Variants in LRRC1 observed in about 807,000 individuals in gnomAD.
LRRC1 encodes the protein leucine-rich repeat-containing protein 1.
LRRC1 carries 28 observed loss-of-function variants against 69.9 expected under a neutral mutation model. The ratio of observed to expected loss-of-function variants is 0.40; its 90% CI spans 0.30 to 0.55. The LOEUF (loss-of-function observed/expected upper bound fraction) is 0.55. Among genes scored for constraint, LRRC1 ranks in the 20% least tolerant of loss-of-function variants. LRRC1 has a pLI of 0.47. For synonymous variants in LRRC1, 236 were observed against 240.2 expected, an observed-to-expected ratio of 0.98 and a Z score of 0.16; for missense variants, 498 against 609.0, an observed-to-expected ratio of 0.82 and a Z score of 1.92.
At chr6:53,889,875 G>A (rs573146736) in intron 4 of LRRC1, among the ~76,000 whole-genome samples, 5 of 152,262 alleles carry the variant, frequency 3.3e-5, no homozygotes, top group South Asian at 4.2e-4. Context: ...CTGGGAAACC[G>A]ACCCAGTTTA....
chr6:53,842,065 A>G, intron 1 of LRRC1, 45 bp from the exon 2 acceptor site: 1 of 1,243,256 alleles, frequency 8.0e-7, no homozygotes, highest in Middle Eastern at 1.9e-4. Context: ...AAAGTTTATG[A>G]TACAAACATA....
intron 10 of LRRC1, among the ~76,000 whole-genome samples, chr6:53,906,453 A>G (rs1171565988): frequency 6.6e-6 from 1 of 152,202 alleles, no homozygotes; most frequent in African/African-American, 2.4e-5. Context: ...TGTAATGTTA[A>G]TTCCCAGCAA....
chr6:53,846,777 G>A (rs572276524), intron 2 of LRRC1, among the ~76,000 whole-genome samples: 171 of 152,288 alleles, frequency 1.1e-3, no homozygotes, highest in African/African-American at 3.8e-3. Context: ...GGTGAAATGC[G>A]TATGCTTCAA....
chr6:53,833,304 C>T (rs576663438), intron 1 of LRRC1, among the ~76,000 whole-genome samples: 55 of 152,248 alleles, frequency 3.6e-4, no homozygotes, highest in Middle Eastern at 3.4e-3. Flanking sequence ...AGAAAACATG[C>T]CTGGTTTCTT....
intron 7 of LRRC1, among the ~76,000 whole-genome samples, chr6:53,899,473 G>A (rs1458345421): frequency 6.6e-6 from 1 of 151,972 alleles, no homozygotes. Context: ...TTTTTCTCCT[G>A]TATCTTCACC....
At chr6:53,900,168 G>T (rs562683989) in intron 8 of LRRC1, among the ~76,000 whole-genome samples, 1 of 151,746 alleles carries the variant, frequency 6.6e-6, no homozygotes, top group Non-Finnish European at 1.5e-5. Flanking sequence ...CTCCCGAATA[G>T]CTGGGACCAC....
At chr6:53,912,094 T>A (rs191882834) in intron 10 of LRRC1, among the ~76,000 whole-genome samples, 4 of 152,342 alleles carry the variant, frequency 2.6e-5, no homozygotes, top group Admixed American at 2.6e-4. Flanking sequence ...TAAACATATG[T>A]AAATGAGAAA....
At chr6:53,811,468 G>A (rs1399825215) in intron 1 of LRRC1, among the ~76,000 whole-genome samples, 1 of 152,184 alleles carries the variant, frequency 6.6e-6, no homozygotes, top group Non-Finnish European at 1.5e-5. Flanking sequence ...TCTATTAGTT[G>A]GGGTGTTAAT....
At chr6:53,919,805 CA>C in intron 12 of LRRC1, 135 bp downstream of exon 12, 1 of 667,362 alleles carries the variant, frequency 1.5e-6, no homozygotes, top group Non-Finnish European at 2.4e-6. Context: ...CAGGTGAGGC[CA>C]CTGTGGGACT....
intron 2 of LRRC1, among the ~76,000 whole-genome samples, chr6:53,846,309 T>G (rs1765942621): frequency 1.3e-5 from 2 of 152,224 alleles, no homozygotes; most frequent in African/African-American, 4.8e-5. Context: ...TTATCTAAGC[T>G]GCAAGGATTT....
chr6:53,807,397 T>C (rs946809494), intron 1 of LRRC1, among the ~76,000 whole-genome samples: 4 of 152,178 alleles, frequency 2.6e-5, no homozygotes, highest in African/African-American at 4.8e-5. Context: ...TAGGTAAGGA[T>C]GGAAAACAGA....
chr6:53,821,198 T>C (rs1019611236), intron 1 of LRRC1, among the ~76,000 whole-genome samples: 1 of 152,222 alleles, frequency 6.6e-6, no homozygotes, highest in Admixed American at 6.5e-5. Flanking sequence ...ATTTGAATGC[T>C]TTGTGGGTTC....
At chr6:53,854,793 A>T (rs949539765) in intron 2 of LRRC1, among the ~76,000 whole-genome samples, 3 of 152,186 alleles carry the variant, frequency 2.0e-5, no homozygotes, top group African/African-American at 7.2e-5. Flanking sequence ...AATTGGGATC[A>T]TTTAACAAAT....
chr6:53,870,393 A>C (rs377041621), intron 2 of LRRC1, among the ~76,000 whole-genome samples: 2 of 152,006 alleles, frequency 1.3e-5, no homozygotes, highest in South Asian at 2.1e-4. Flanking sequence ...AGCCACTGTA[A>C]AATTTATATT....
At chr6:53,896,581 G>T in intron 5 of LRRC1, 27 bp downstream of exon 5, 5 of 1,573,458 alleles carry the variant, frequency 3.2e-6, no homozygotes, top group Non-Finnish European at 3.5e-6. Flanking sequence ...AATAAGAGGA[G>T]ATTTTGTGCA....
chr6:53,911,968 A>G (rs1456467841), intron 10 of LRRC1, among the ~76,000 whole-genome samples: 1 of 152,212 alleles, frequency 6.6e-6, no homozygotes, highest in Admixed American at 6.5e-5. Flanking sequence ...AACCTAAGAA[A>G]GGCTACTCTG....
At chr6:53,805,989 G>A (rs888341498) in intron 1 of LRRC1, among the ~76,000 whole-genome samples, 6 of 152,194 alleles carry the variant, frequency 3.9e-5, no homozygotes, top group Non-Finnish European at 7.3e-5. Flanking sequence ...CTTAGTTGCT[G>A]ATGTATTGTT....
intron 1 of LRRC1, among the ~76,000 whole-genome samples, chr6:53,818,664 G>T (rs1765023335): frequency 6.6e-6 from 1 of 152,160 alleles, no homozygotes; most frequent in Non-Finnish European, 1.5e-5. Context: ...TGAGCATGGA[G>T]AAAGATAACA....
At chr6:53,854,333 A>G (rs937856706) in intron 2 of LRRC1, among the ~76,000 whole-genome samples, 4 of 152,226 alleles carry the variant, frequency 2.6e-5, no homozygotes, top group African/African-American at 9.6e-5. Context: ...GAAATCAGTT[A>G]TTAGGATCAT....
Sources: gnomAD v4.1 joint callset for allele counts (sites outside exome capture counted in the v4.1 genomes callset) on GRCh38, gnomAD v4.1.1 for gene constraint, MANE v1.5 for transcripts, NCBI Gene and HGNC (gene_info 2026-07-23, HGNC 2026-07-21) for gene names.